Variants in PTPRD observed in about 807,000 individuals in gnomAD.
PTPRD encodes protein tyrosine phosphatase receptor type D.
In PTPRD, 34 loss-of-function variants were observed where a neutral mutation model predicts 214.5. The observed-to-expected ratio is 0.16, with a 90% CI of 0.12 to 0.21. PTPRD has a LOEUF of 0.21. PTPRD is among the 10% of genes least tolerant of loss of function. PTPRD has a pLI of 1.00. For missense variants in PTPRD, 2,545 were observed against 2,398.7 expected (o/e 1.06, Z -1.27); for synonymous variants, 1,128 against 845.7 (o/e 1.33, Z -5.79).
At chr9:8,706,351 T>C (rs72700385) in intron 12 of PTPRD, among the ~76,000 whole-genome samples, 44 of 152,298 alleles carry the variant, frequency 2.9e-4, no homozygotes, top group Admixed American at 9.2e-4. Context: ...TCGAATATTA[T>C]TGTAGTTATT....
At chr9:8,735,138 GTTTTTTTTTTTCT>G (rs1437558212) in intron 11 of PTPRD, among the ~76,000 whole-genome samples, 1 of 126,064 alleles carries the variant, frequency 7.9e-6, no homozygotes, top group Non-Finnish European at 1.8e-5. Context: ...GTTTTTTTTT[GTTTTTTTTTTTCT>G]GTTTTTTTTT....
chr9:8,662,658 T>C (rs1406538053), intron 12 of PTPRD, among the ~76,000 whole-genome samples: 1 of 152,208 alleles, frequency 6.6e-6, no homozygotes, highest in African/African-American at 2.4e-5. Context: ...CAATTCACCA[T>C]AGGCCCCAAT....
intron 10 of PTPRD, among the ~76,000 whole-genome samples, chr9:9,063,522 A>G (rs1013791695): frequency 4.6e-5 from 7 of 152,122 alleles, no homozygotes; most frequent in African/African-American, 1.7e-4. Flanking sequence ...CCAACTCACT[A>G]TAATCTGTAA....
intron 4 of PTPRD, among the ~76,000 whole-genome samples, chr9:10,012,568 G>A (rs1588887551): frequency 6.6e-6 from 1 of 151,864 alleles, no homozygotes; most frequent in Admixed American, 6.6e-5. Context: ...TAAACTATAA[G>A]AGAGAAGTCT....
chr9:8,981,134 G>C (rs2099310652), intron 11 of PTPRD, among the ~76,000 whole-genome samples: 1 of 151,734 alleles, frequency 6.6e-6, no homozygotes. Flanking sequence ...CTAATATTGG[G>C]GTTATTTGTC....
At chr9:10,036,608 C>A (rs535263135) in intron 3 of PTPRD, among the ~76,000 whole-genome samples, 3 of 151,430 alleles carry the variant, frequency 2.0e-5, no homozygotes. Flanking sequence ...ATTTTTGAAA[C>A]GGAGCCTGGT....
intron 8 of PTPRD, among the ~76,000 whole-genome samples, chr9:9,451,405 G>T (rs929502429): frequency 6.6e-6 from 1 of 151,744 alleles, no homozygotes; most frequent in African/African-American, 2.4e-5. Flanking sequence ...AAGAATTCAT[G>T]CAATTTTGCA....
chr9:10,299,781 G>C (rs188418857), intron 3 of PTPRD, among the ~76,000 whole-genome samples: 110 of 152,238 alleles, frequency 7.2e-4, no homozygotes, highest in African/African-American at 2.2e-3. Context: ...ATTTGCATAT[G>C]AATGGTAAGG....
At position 9,037,188 on chromosome 9, in the gene PTPRD, G is replaced by T. The variant is rs536339844; in HGVS notation, c.-142-18453C>A. ...TGTATCTCAGGCTAAAACAAATCCA[G>T]AATGTGGGAGTTGGAAAGGATTTTA... On this transcript the variant is annotated intron_variant, in intron 10 of 45. Coordinates refer to ENST00000381196, the MANE Select transcript of PTPRD (RefSeq NM_002839.4). 1.1e-4 allele frequency among the ~76,000 whole-genome samples: 16 copies of T among 152,186 alleles called. No individual in the cohort carries two copies. In the South Asian group the frequency reaches 3.1e-3, roughly 30 times the overall value.
At chr9:10,061,074 G>C (rs1255482723) in intron 3 of PTPRD, among the ~76,000 whole-genome samples, 1 of 150,818 alleles carries the variant, frequency 6.6e-6, no homozygotes, top group Non-Finnish European at 1.5e-5. Context: ...AAAAACAATG[G>C]TCACATTTTG....
chr9:10,245,572 G>A (rs1242985821), intron 3 of PTPRD, among the ~76,000 whole-genome samples: 1 of 152,130 alleles, frequency 6.6e-6, no homozygotes, highest in African/African-American at 2.4e-5. Context: ...ATTAGACAAT[G>A]CACACTTTGA....
intron 43 of PTPRD, among the ~76,000 whole-genome samples, chr9:8,332,374 A>ACATAGCATGAAC (rs958166819): frequency 1.3e-5 from 2 of 152,156 alleles, no homozygotes; most frequent in East Asian, 3.9e-4. Context: ...ATGGCAGGGG[A>ACATAGCATGAAC]CATAGCATGA....
intron 3 of PTPRD, among the ~76,000 whole-genome samples, chr9:10,170,770 G>C (rs184555953): frequency 6.6e-6 from 1 of 152,290 alleles, no homozygotes; most frequent in East Asian, 1.9e-4. Flanking sequence ...TATCATTTTT[G>C]ACAACACAGT....
intron 2 of PTPRD, among the ~76,000 whole-genome samples, chr9:10,541,892 T>A (rs565325684): frequency 6.6e-6 from 1 of 152,106 alleles, no homozygotes; most frequent in Non-Finnish European, 1.5e-5. Context: ...ACAACTTTCA[T>A]CAATTATTTG....
chr9:8,505,648 A>G (rs2097530080), intron 22 of PTPRD, among the ~76,000 whole-genome samples: 1 of 150,326 alleles, frequency 6.7e-6, no homozygotes, highest in Non-Finnish European at 1.5e-5. Flanking sequence ...AAAAAAAAGA[A>G]GAAGAAGAAG....
intron 3 of PTPRD, among the ~76,000 whole-genome samples, chr9:10,208,139 G>C (rs191672509): frequency 6.6e-6 from 1 of 152,188 alleles, no homozygotes; most frequent in South Asian, 2.1e-4. Flanking sequence ...TGCTGTTAAA[G>C]TCTTCTCTGG....
intron 8 of PTPRD, among the ~76,000 whole-genome samples, chr9:9,451,910 T>C (rs1156392443): frequency 6.6e-6 from 1 of 151,406 alleles, no homozygotes; most frequent in East Asian, 1.9e-4. Context: ...ATGAATAGTT[T>C]GAAATAAAAT....
At chr9:10,162,414 A>G (rs1213137625) in intron 3 of PTPRD, among the ~76,000 whole-genome samples, 1 of 151,292 alleles carries the variant, frequency 6.6e-6, no homozygotes, top group Non-Finnish European at 1.5e-5. Context: ...GAAACTGTAT[A>G]TCATTATATT....
At chr9:8,847,368 C>T (rs1309081943) in intron 11 of PTPRD, among the ~76,000 whole-genome samples, 2 of 151,778 alleles carry the variant, frequency 1.3e-5, no homozygotes, top group Admixed American at 1.3e-4. Context: ...TAAAAAAAAC[C>T]CTTGCTACAT....
Sources: allele counts gnomAD v4.1 joint callset (sites outside exome capture counted in the v4.1 genomes callset), GRCh38; gene constraint gnomAD v4.1.1; transcripts MANE v1.5; gene names NCBI Gene and HGNC (gene_info 2026-07-23, HGNC 2026-07-21).